The following SNRK variants were observed in gnomAD, a reference collection of about 807,000 sequenced individuals.
SNRK encodes SNF related kinase.
SNRK carries 3 observed loss-of-function variants against 48.2 expected under a neutral mutation model. That is an observed-to-expected ratio of 0.06 (90% CI 0.03 to 0.16). SNRK has a LOEUF of 0.16. Ranked by LOEUF, SNRK falls within the 10% of genes least tolerant of loss-of-function variation. The pLI, the probability that SNRK is intolerant of heterozygous loss-of-function variation, is 1.00. For missense variants in SNRK, 627 were observed against 976.0 expected (o/e 0.64, Z 4.76); for synonymous variants, 376 against 366.1 (o/e 1.03, Z -0.31).
intron 3 of SNRK, among the ~76,000 whole-genome samples, chr3:43,331,700 A>G (rs2091147796): frequency 6.6e-6 from 1 of 152,182 alleles, no homozygotes; most frequent in Non-Finnish European, 1.5e-5. Context: ...TTTCTTGCGT[A>G]TAAAATGACA....
chr3:43,306,943 A>G (rs1425476359), intron 3 of SNRK, among the ~76,000 whole-genome samples: 1 of 151,988 alleles, frequency 6.6e-6, no homozygotes, highest in Non-Finnish European at 1.5e-5. Flanking sequence ...CTATTTTTAG[A>G]TTTTCTTTGT....
intron 1 of SNRK, among the ~76,000 whole-genome samples, chr3:43,298,617 G>A (rs1191578814): frequency 6.6e-6 from 1 of 152,156 alleles, no homozygotes; most frequent in Non-Finnish European, 1.5e-5. Flanking sequence ...TCTCCCAAGT[G>A]CATTTGAACT....
At chr3:43,311,747 G>A (rs1450131417) in intron 3 of SNRK, among the ~76,000 whole-genome samples, 1 of 152,152 alleles carries the variant, frequency 6.6e-6, no homozygotes, top group Non-Finnish European at 1.5e-5. Flanking sequence ...ACCAGGCTCT[G>A]CTGAAACCGA....
At chr3:43,343,279 A>T in intron 5 of SNRK, 65 bp from the exon 6 acceptor site, 1 of 1,514,382 alleles carries the variant, frequency 6.6e-7, no homozygotes, top group Non-Finnish European at 8.8e-7. Flanking sequence ...TTAAAAATCA[A>T]TTCTGCTTCT....
chr3:43,340,973 T>C (rs1035961023), intron 5 of SNRK, among the ~76,000 whole-genome samples: 1 of 152,188 alleles, frequency 6.6e-6, no homozygotes, highest in Non-Finnish European at 1.5e-5. Context: ...ATTTAAGTAT[T>C]GTCAGTGGTT....
intron 1 of SNRK, among the ~76,000 whole-genome samples, chr3:43,298,432 T>C (rs1436203756): frequency 6.6e-6 from 1 of 152,188 alleles, no homozygotes. Context: ...GGTTCATCTG[T>C]CACTAGATAT....
At chr3:43,313,715 T>A (rs2090995429) in intron 3 of SNRK, among the ~76,000 whole-genome samples, 1 of 152,252 alleles carries the variant, frequency 6.6e-6, no homozygotes, top group Non-Finnish European at 1.5e-5. Flanking sequence ...CTGTGGAGTG[T>A]ACCAATATCA....
At chr3:43,312,213 C>T (rs1405861188) in intron 3 of SNRK, among the ~76,000 whole-genome samples, 5 of 152,098 alleles carry the variant, frequency 3.3e-5, no homozygotes, top group Admixed American at 1.3e-4. Context: ...TCAATGAAAG[C>T]TGAATTACTT....
intron 3 of SNRK, among the ~76,000 whole-genome samples, chr3:43,330,811 A>C (rs181108407): frequency 5.6e-4 from 85 of 152,320 alleles, no homozygotes; most frequent in Non-Finnish European, 1.1e-3. Flanking sequence ...GTTTGGACTG[A>C]ATGATCCATA....
At chr3:43,341,230 A>T (rs2091234010) in intron 5 of SNRK, among the ~76,000 whole-genome samples, 2 of 151,500 alleles carry the variant, frequency 1.3e-5, no homozygotes, top group Non-Finnish European at 1.5e-5. Flanking sequence ...GGCTCACTGC[A>T]AGCTCCGCCT....
rs534952226 is a variant in SNRK, at chr3:43,350,788, C to T, written c.*2231C>T. The stretch of plus-strand genomic sequence containing the variant: ...TTACTTGTACCCCTTAACCTGTCTT[C>T]AAAAGTTGCATATAGTTACAGTAGT... On this transcript the variant is annotated 3_prime_UTR_variant, in exon 7 of 7. Transcript: ENST00000296088. The T allele has an allele frequency of 6.5e-6, 1 of 152,688 alleles. No individual in the cohort carries two copies. Among genetic ancestry groups the T allele is most frequent in the African/African-American group, 2.4e-5 (1 of 41,536 alleles). The allele number at this position is 152,688 out of a possible 1,614,324, so 9.5% of individuals were successfully genotyped here.
At chr3:43,343,571 G>T (rs2091253697) in intron 6 of SNRK, 93 bp downstream of exon 6, 2 of 1,348,486 alleles carry the variant, frequency 1.5e-6, no homozygotes, top group African/African-American at 3.0e-5. Flanking sequence ...ACTCTTTGGG[G>T]CAAGAGAGTA....
At chr3:43,343,536 T>C in intron 6 of SNRK, 58 bp downstream of exon 6, 1 of 1,497,254 alleles carries the variant, frequency 6.7e-7, no homozygotes, top group East Asian at 2.4e-5. Flanking sequence ...TAGCGAACTT[T>C]TTTTTTTTTT....
intron 3 of SNRK, among the ~76,000 whole-genome samples, chr3:43,330,179 TAGA>T (rs1020193800): frequency 3.9e-5 from 6 of 152,224 alleles, no homozygotes; most frequent in Non-Finnish European, 5.9e-5. Context: ...ATTTGAACAA[TAGA>T]AGAAAAAGTT....
intron 6 of SNRK, 135 bp downstream of exon 6, chr3:43,343,613 C>G: frequency 2.1e-6 from 2 of 932,538 alleles, no homozygotes; most frequent in Non-Finnish European, 3.2e-6. Context: ...TTGGAGAGGC[C>G]ACACACGGGC....
chr3:43,342,725 C>T (rs1006623854), intron 5 of SNRK, among the ~76,000 whole-genome samples: 1 of 152,172 alleles, frequency 6.6e-6, no homozygotes, highest in African/African-American at 2.4e-5. Context: ...GCCTTGTGTC[C>T]CAGCACCGTG....
chr3:43,308,779 G>C (rs996853908), intron 3 of SNRK, among the ~76,000 whole-genome samples: 2 of 152,224 alleles, frequency 1.3e-5, no homozygotes, highest in South Asian at 2.1e-4. Flanking sequence ...GGATCAAGGA[G>C]TAATTTTGAC....
intron 3 of SNRK, among the ~76,000 whole-genome samples, chr3:43,311,753 A>G (rs1180725332): frequency 6.6e-6 from 1 of 151,924 alleles, no homozygotes; most frequent in East Asian, 1.9e-4. Context: ...CTCTGCTGAA[A>G]CCGATGGATG....
intron 1 of SNRK, among the ~76,000 whole-genome samples, chr3:43,298,859 C>T (rs2090877395): frequency 6.6e-6 from 1 of 152,198 alleles, no homozygotes; most frequent in Non-Finnish European, 1.5e-5. Context: ...TGACAGTCCT[C>T]GGATGATGAA....
Sources: gnomAD v4.1 joint callset for allele counts (sites outside exome capture counted in the v4.1 genomes callset) on GRCh38, gnomAD v4.1.1 for gene constraint, MANE v1.5 for transcripts, NCBI Gene and HGNC (gene_info 2026-07-23, HGNC 2026-07-21) for gene names.